Variants in CHD6 observed in about 807,000 individuals in gnomAD.
CHD6 encodes the protein ATP-dependent chromatin remodeler CHD6.
A neutral mutation model predicts 276.9 loss-of-function variants in CHD6; 50 were observed. That is an observed-to-expected ratio of 0.18 (90% CI 0.14 to 0.23). The LOEUF (loss-of-function observed/expected upper bound fraction) is 0.23. Among genes scored for constraint, CHD6 ranks in the 10% least tolerant of loss-of-function variants. The pLI is 1.00. For missense variants in CHD6, 2,564 were observed against 3,365.8 expected, an observed-to-expected ratio of 0.76 and a Z score of 5.89; for synonymous variants, 1,173 against 1,229.3, an observed-to-expected ratio of 0.95 and a Z score of 0.96.
rs139013127 is a variant in CHD6, at chr20:41,533,360, T to A, written c.244A>T (p.Met82Leu). ...GTACCTCCTCCTCCACTGTCCTCCA[T>A]CCCATTATGGGATGTCATTTTCCTA... ...FPRKMTSHNG[M>L]EDSGGGGTGV... Residue 82 changes from methionine (M) to leucine (L), a missense_variant, in exon 3 of 37, where the codon ATG becomes TTG. Around this residue, in one of 7 missense-constraint regions of CHD6, gnomAD observed 286 missense variants for 297.8 expected, o/e 0.96. Coordinates refer to ENST00000373233, the MANE Select transcript of CHD6 (RefSeq NM_032221.5). 62 of 1,614,080 alleles carry A rather than the reference T, an allele frequency of 3.8e-5. No individual in the cohort carries two copies. Among genetic ancestry groups the A allele is most frequent in the Non-Finnish European group, 5.0e-5 (59 of 1,180,018 alleles).
rs990736340 is a variant in CHD6, at chr20:41,402,695, T to A, written c.*1898A>T. 9.3e-6 allele frequency: 2 copies of A among 214,012 alleles called. No homozygotes were observed. Among genetic ancestry groups the A allele is most frequent in the Non-Finnish European group, 1.9e-5 (2 of 105,966 alleles). 13.3% of individuals were successfully genotyped at this position (214,012 alleles called of 1,614,324 possible). On this transcript the variant is annotated 3_prime_UTR_variant, in exon 37 of 37. Transcript: ENST00000373233. ...AGTACTTAAAAGGTTCAAAAATATATTGATTGAGTTATTTTTCTTACATAA... is the reference window on the plus strand; with the variant it reads ...AGTACTTAAAAGGTTCAAAAATATAATGATTGAGTTATTTTTCTTACATAA...
intron 25 of CHD6, among the ~76,000 whole-genome samples, chr20:41,444,681 A>C (rs955225703): frequency 2.0e-5 from 3 of 152,166 alleles, no homozygotes; most frequent in African/African-American, 7.2e-5. Flanking sequence ...TTCCAAAGGC[A>C]GAGTAATATG....
intron 25 of CHD6, 141 bp downstream of exon 25, chr20:41,445,524 G>A (rs1013397986): frequency 3.3e-6 from 2 of 603,514 alleles, no homozygotes; most frequent in African/African-American, 1.8e-5. Context: ...GAGGGCAGCT[G>A]TGAAGCTCTA....
intron 3 of CHD6, among the ~76,000 whole-genome samples, chr20:41,522,859 G>T (rs2044437308): frequency 6.6e-6 from 1 of 152,130 alleles, no homozygotes; most frequent in African/African-American, 2.4e-5. Context: ...GGTCAGACTG[G>T]GCTATCGTAC....
intron 20 of CHD6, among the ~76,000 whole-genome samples, chr20:41,453,637 G>A (rs182801945): frequency 6.6e-5 from 10 of 152,138 alleles, no homozygotes; most frequent in Non-Finnish European, 1.2e-4. Flanking sequence ...TCTGATCACC[G>A]TGCTTCCCAA....
chr20:41,607,933 C>T (rs2045847002), intron 1 of CHD6, among the ~76,000 whole-genome samples: 1 of 152,198 alleles, frequency 6.6e-6, no homozygotes, highest in African/African-American at 2.4e-5. Flanking sequence ...GCAAGTTACA[C>T]AGCCATGCCC....
At chr20:41,490,710 G>A (rs1451728122) in intron 11 of CHD6, among the ~76,000 whole-genome samples, 1 of 152,118 alleles carries the variant, frequency 6.6e-6, no homozygotes, top group Non-Finnish European at 1.5e-5. Context: ...CTACTAGGGA[G>A]GCAGAGGCAG....
At chr20:41,466,014 C>T (rs796380138) in intron 17 of CHD6, among the ~76,000 whole-genome samples, 7 of 152,200 alleles carry the variant, frequency 4.6e-5, no homozygotes, top group African/African-American at 1.7e-4. Flanking sequence ...ACCAGCCTGG[C>T]CAACATGGTG....
chr20:41,569,918 C>T (rs1449718095), intron 1 of CHD6, among the ~76,000 whole-genome samples: 2 of 152,064 alleles, frequency 1.3e-5, no homozygotes, highest in African/African-American at 4.8e-5. Flanking sequence ...GTCCTGGAAC[C>T]AATCCCCCAT....
intron 1 of CHD6, among the ~76,000 whole-genome samples, chr20:41,580,758 T>C (rs2045529015): frequency 6.6e-6 from 1 of 152,080 alleles, no homozygotes; most frequent in Non-Finnish European, 1.5e-5. Context: ...ATGTCTTACC[T>C]TTAGGTAAGA....
At chr20:41,553,729 C>G (rs988095091) in intron 1 of CHD6, among the ~76,000 whole-genome samples, 1 of 152,234 alleles carries the variant, frequency 6.6e-6, no homozygotes, top group Non-Finnish European at 1.5e-5. Context: ...AAGTAAAGAT[C>G]GCCTTGCTGA....
At chr20:41,568,065 A>G (rs2045378821) in intron 1 of CHD6, among the ~76,000 whole-genome samples, 1 of 152,260 alleles carries the variant, frequency 6.6e-6, no homozygotes, top group African/African-American at 2.4e-5. Context: ...GTTTCAATCC[A>G]AGGGTGAAGT....
intron 1 of CHD6, among the ~76,000 whole-genome samples, chr20:41,555,236 T>C (rs2045210302): frequency 1.6e-5 from 2 of 127,738 alleles, no homozygotes; most frequent in African/African-American, 3.2e-5. Flanking sequence ...GGTGGGGGGC[T>C]GACCCCCCCA....
intron 1 of CHD6, among the ~76,000 whole-genome samples, chr20:41,585,924 A>G (rs937233857): frequency 1.3e-5 from 2 of 152,210 alleles, no homozygotes; most frequent in African/African-American, 4.8e-5. Context: ...CTAGCTGGGA[A>G]GGGGACTGCA....
At chr20:41,523,431 T>C (rs1163833806) in intron 3 of CHD6, among the ~76,000 whole-genome samples, 3 of 152,182 alleles carry the variant, frequency 2.0e-5, no homozygotes, top group African/African-American at 7.2e-5. Context: ...AAAACTTGAT[T>C]TTACAATCAA....
intron 10 of CHD6, among the ~76,000 whole-genome samples, chr20:41,493,301 T>C (rs1192131223): frequency 1.3e-5 from 2 of 152,054 alleles, no homozygotes; most frequent in Non-Finnish European, 2.9e-5. Flanking sequence ...TCTAAGCCAA[T>C]ATCAAAGCTT....
At chr20:41,419,654 G>A (rs2047122605) in intron 31 of CHD6, among the ~76,000 whole-genome samples, 1 of 145,300 alleles carries the variant, frequency 6.9e-6, no homozygotes, top group South Asian at 2.2e-4. Context: ...TAAAATCAGT[G>A]CTCCAGAAAG....
intron 17 of CHD6, among the ~76,000 whole-genome samples, chr20:41,460,795 C>T (rs2048523157): frequency 6.6e-6 from 1 of 152,194 alleles, no homozygotes; most frequent in Non-Finnish European, 1.5e-5. Flanking sequence ...ACACAGAGTC[C>T]CTACTTGGTC....
chr20:41,542,152 T>G (rs2044954935), intron 2 of CHD6, among the ~76,000 whole-genome samples: 1 of 152,246 alleles, frequency 6.6e-6, no homozygotes, highest in Admixed American at 6.5e-5. Flanking sequence ...AGTGGAATGA[T>G]GTTTGCTCCA....
Sources: gnomAD v4.1 joint callset for allele counts (sites outside exome capture counted in the v4.1 genomes callset) on GRCh38, gnomAD v4.1.1 for gene constraint, gnomAD v4.1.1 regional missense constraint, MANE v1.5 for transcripts, NCBI Gene and HGNC (gene_info 2026-07-23, HGNC 2026-07-21) for gene names.